GNG7: variants seen among roughly 807,000 people sequenced by gnomAD.
GNG7 encodes guanine nucleotide-binding protein G(I)/G(S)/G(O) subunit gamma-7.
In GNG7, 1 loss-of-function variant was observed where a neutral mutation model predicts 4.0. The observed-to-expected ratio is 0.25, with a 90% CI of 0.09 to 1.18. The LOEUF (loss-of-function observed/expected upper bound fraction) is 1.18. Among genes scored for constraint, GNG7 ranks in the 50% most tolerant of loss-of-function variants. GNG7 has a pLI of 0.50. For synonymous variants in GNG7, 34 were observed against 36.9 expected, an observed-to-expected ratio of 0.92 and a Z score of 0.29; for missense variants, 86 against 91.9, an observed-to-expected ratio of 0.94 and a Z score of 0.26.
intron 1 of GNG7, among the ~76,000 whole-genome samples, chr19:2,649,324 C>T (rs1411727891): frequency 6.6e-6 from 1 of 151,786 alleles, no homozygotes; most frequent in Non-Finnish European, 1.5e-5. Flanking sequence ...ACAACTAGGG[C>T]ACATCTTATC....
chr19:2,621,620 C>T (rs1244662746), intron 2 of GNG7, among the ~76,000 whole-genome samples: 4 of 152,092 alleles, frequency 2.6e-5, no homozygotes, highest in African/African-American at 7.2e-5. Context: ...TTGCTTGAAC[C>T]TGGGAGGCAG....
chr19:2,665,361 T>G (rs1057381728), intron 1 of GNG7, among the ~76,000 whole-genome samples: 37 of 132,836 alleles, frequency 2.8e-4, no homozygotes, highest in East Asian at 6.3e-4. Context: ...CAGTGTCCCC[T>G]GGGGGGGGGG....
At chr19:2,536,912 A>C (rs916868943) in intron 3 of GNG7, among the ~76,000 whole-genome samples, 2 of 151,432 alleles carry the variant, frequency 1.3e-5, no homozygotes, top group Admixed American at 6.6e-5. Context: ...TTATACAGAT[A>C]ATAAAATATA....
intron 1 of GNG7, among the ~76,000 whole-genome samples, chr19:2,697,380 A>T (rs1913292395): frequency 6.6e-6 from 1 of 151,982 alleles, no homozygotes; most frequent in Non-Finnish European, 1.5e-5. Flanking sequence ...AGCGTGGCCC[A>T]CTCACGCCGC....
rs534508146 is a variant in GNG7 at position 2,609,227 on chromosome 19, A to G, written c.-78+36997T>C. On this transcript the variant is annotated intron_variant, in intron 2 of 4. Coordinates refer to ENST00000382159, the MANE Select transcript of GNG7 (RefSeq NM_052847.3). This position sits in a 1 kb window ranked among gnomAD's most constrained non-coding sequence, Gnocchi z 4.4. ...TTTTCGTAGAGATGGGGGTCTCACT[A>G]TGTTGCCAAGGCTGGTCTTGAACTC... 2.6e-5 allele frequency among the ~76,000 whole-genome samples: 4 copies of G among 152,010 alleles called. No homozygotes were observed. The highest frequency in any genetic ancestry group is 9.6e-5 in the African/African-American group (4 of 41,460).
intron 2 of GNG7, among the ~76,000 whole-genome samples, chr19:2,621,696 AAAACAAACAAAC>A (rs78958083): frequency 2.0e-5 from 3 of 151,570 alleles, no homozygotes; most frequent in East Asian, 1.9e-4. Flanking sequence ...GACCTCATCT[AAAACAAACAAAC>A]AAACAAACAA....
intron 1 of GNG7, among the ~76,000 whole-genome samples, chr19:2,678,051 G>A (rs111589261): frequency 1.3e-5 from 2 of 152,196 alleles, no homozygotes; most frequent in South Asian, 2.1e-4. Context: ...CCTGCCACCT[G>A]TGCTGACCAC....
intron 2 of GNG7, among the ~76,000 whole-genome samples, chr19:2,579,959 A>G (rs1386539745): frequency 6.6e-6 from 1 of 152,092 alleles, no homozygotes; most frequent in African/African-American, 2.4e-5. Context: ...TGCCTCCTCC[A>G]GTTCTGGGGG....
At chr19:2,675,744 C>T (rs1198164085) in intron 1 of GNG7, among the ~76,000 whole-genome samples, 2 of 152,092 alleles carry the variant, frequency 1.3e-5, no homozygotes, top group African/African-American at 4.8e-5. Flanking sequence ...GGGGGGAGCT[C>T]CTGGTATGGA....
intron 1 of GNG7, among the ~76,000 whole-genome samples, chr19:2,682,461 G>A (rs147825272): frequency 9.3e-5 from 14 of 151,064 alleles, no homozygotes; most frequent in African/African-American, 2.9e-4. Context: ...TCAGGAGTTC[G>A]AGACCAGCCT....
intron 2 of GNG7, among the ~76,000 whole-genome samples, chr19:2,575,353 G>C (rs1980275596): frequency 6.6e-6 from 1 of 152,212 alleles, no homozygotes; most frequent in Non-Finnish European, 1.5e-5. Flanking sequence ...GTGATTACGG[G>C]TGTGAGCCAC....
intron 1 of GNG7, among the ~76,000 whole-genome samples, chr19:2,692,479 C>A (rs1913157040): frequency 1.3e-5 from 2 of 151,750 alleles, no homozygotes; most frequent in African/African-American, 4.8e-5. Context: ...ACTAAAAATA[C>A]AAAAAATCAG....
intron 2 of GNG7, among the ~76,000 whole-genome samples, chr19:2,622,854 G>T (rs1473253127): frequency 6.6e-6 from 1 of 152,266 alleles, no homozygotes; most frequent in Admixed American, 6.5e-5. Flanking sequence ...CTCAATGCGA[G>T]AGCAACGTGG....
At chr19:2,700,449 G>A (rs59185776) in intron 1 of GNG7, among the ~76,000 whole-genome samples, 19,536 of 152,130 alleles carry the variant, frequency 0.13, 3,042 homozygotes, top group African/African-American at 0.38. Flanking sequence ...AGCCATGCAG[G>A]TTATTTTTTA....
rs1398898770 is a variant in GNG7, at chr19:2,539,939, CCT to C, written c.-38+15208_-38+15209del. On this transcript the variant is annotated intron_variant, in intron 3 of 4. Coordinates refer to ENST00000382159, the MANE Select transcript of GNG7 (RefSeq NM_052847.3). Reference sequence around the variant, plus strand: ...TCTTTCTCTTTCTTTCTTCTCTCTCCCTCTCCTTCCTGCCTTCCTTCCTTCCT... The same window carrying C: ...TCTTTCTCTTTCTTTCTTCTCTCTCCCTCCTTCCTGCCTTCCTTCCTTCCT... Among the ~76,000 whole-genome samples the C allele has an allele frequency of 1.7e-3, 229 of 137,390 alleles. 3 individuals carry two copies. The highest frequency in any genetic ancestry group is 5.7e-3 in the African/African-American group (212 of 37,348). The allele number at this position is 137,390 out of a possible 152,430, so 90.1% of individuals were successfully genotyped here.
chr19:2,643,007 A>C (rs1350472214), intron 2 of GNG7: 1 of 447,068 alleles, frequency 2.2e-6, no homozygotes, highest in Non-Finnish European at 4.4e-6. Context: ...CGGGCTCTAC[A>C]CACCTTCCCG....
chr19:2,597,069 G>C (rs1981044329), intron 2 of GNG7, among the ~76,000 whole-genome samples: 1 of 151,652 alleles, frequency 6.6e-6, no homozygotes, highest in African/African-American at 2.4e-5. Flanking sequence ...GATCATCCTG[G>C]ACAACATAGC....
intron 2 of GNG7, among the ~76,000 whole-genome samples, chr19:2,563,878 C>A (rs986318446): frequency 1.1e-4 from 16 of 152,242 alleles, no homozygotes; most frequent in African/African-American, 3.9e-4. Flanking sequence ...CGCACCCAAA[C>A]TTCCTTGGTC....
intron 1 of GNG7, among the ~76,000 whole-genome samples, chr19:2,699,721 G>A (rs1913354929): frequency 6.6e-6 from 1 of 152,214 alleles, no homozygotes; most frequent in Non-Finnish European, 1.5e-5. Flanking sequence ...CTGGTGTGGA[G>A]TGGGTGGAGG....
Sources: allele counts gnomAD v4.1 joint callset (sites outside exome capture counted in the v4.1 genomes callset), GRCh38; gene constraint gnomAD v4.1.1; non-coding constraint Gnocchi (gnomAD v3.1); transcripts MANE v1.5; gene names NCBI Gene and HGNC (gene_info 2026-07-23, HGNC 2026-07-21).